The following WRAP73 variants were observed in gnomAD, a reference collection of about 807,000 sequenced individuals.
WRAP73 encodes WD repeat-containing protein WRAP73.
In WRAP73, 55 loss-of-function variants were observed where a neutral mutation model predicts 59.6. The observed-to-expected ratio is 0.92, with a 90% CI of 0.74 to 1.15. The LOEUF (loss-of-function observed/expected upper bound fraction) is 1.15, where lower values mean the gene tolerates loss of function less well. WRAP73 is among the 50% of genes most tolerant of loss of function. The probability of loss-of-function intolerance (pLI) is 0.00; values close to 1 mark genes in which losing one functional copy is unlikely to be tolerated. For synonymous variants in WRAP73, 265 were observed against 258.2 expected (o/e 1.03, Z -0.25); for missense variants, 592 against 608.1 (o/e 0.97, Z 0.28).
intron 3 of WRAP73, among the ~76,000 whole-genome samples, chr1:3,640,520 G>A (rs1231584524): frequency 2.0e-4 from 2 of 9,896 alleles, no homozygotes; most frequent in Admixed American, 6.5e-4. Context: ...GCGGGGTGCA[G>A]CGCCCGAGGC....
intron 9 of WRAP73, chr1:3,632,851 C>CT: frequency 9.1e-6 from 2 of 218,946 alleles, no homozygotes; most frequent in South Asian, 1.2e-4. Flanking sequence ...CCATCCTGAG[C>CT]ACACACCGAG....
At chr1:3,640,341 C>G (rs902168350) in intron 3 of WRAP73, among the ~76,000 whole-genome samples, 4 of 152,234 alleles carry the variant, frequency 2.6e-5, no homozygotes, top group African/African-American at 9.6e-5. Context: ...AAACCTTGCC[C>G]AAGCCTCTCA....
At chr1:3,648,950 T>TA (rs1644715110) in intron 1 of WRAP73, among the ~76,000 whole-genome samples, 1 of 152,184 alleles carries the variant, frequency 6.6e-6, no homozygotes, top group Non-Finnish European at 1.5e-5. Flanking sequence ...ATTTGAGAGT[T>TA]AAACTCTCAA....
At position 3,631,674 on chromosome 1, in the gene WRAP73, A is replaced by G; in HGVS notation, c.1049-17T>C. 6 of 1,578,566 alleles carry G rather than the reference A, an allele frequency of 3.8e-6. No homozygotes were observed. The highest frequency in any genetic ancestry group is 5.1e-6 in the Non-Finnish European group (6 of 1,166,288). ...GAATGTTGTCTGAGGAAGGAAGGAC[A>G]GGGCACCGGTGTCATCCCTGCCTGG... On this transcript the variant is annotated splice_polypyrimidine_tract_variant and intron_variant, in intron 10 of 11. Transcript: ENST00000270708.
At chr1:3,644,895 C>T (rs1045917634) in intron 3 of WRAP73, among the ~76,000 whole-genome samples, 2 of 152,242 alleles carry the variant, frequency 1.3e-5, no homozygotes, top group African/African-American at 4.8e-5. Flanking sequence ...GACCCCATGA[C>T]ATGAGCCCTT....
rs1390454117 is a variant in WRAP73, at chr1:3,630,987, GC to G, written c.1370del (p.Gly457AlafsTer42). On this transcript the variant is annotated frameshift_variant, in exon 12 of 12. Coordinates refer to ENST00000270708, the MANE Select transcript of WRAP73 (RefSeq NM_017818.4). LOFTEE classifies it high-confidence loss of function. ...AVVGTACRQL[G>X]GHT ...TAGTGCACCGCTGCTACGTGTGGCC[GC>G]CCAGCTGTCTGCAGGCTGTGCCGAC... The G allele has an allele frequency of 7.4e-6, 12 of 1,612,654 alleles. No individual in the cohort carries two copies. The highest frequency in any genetic ancestry group is 1.0e-5 in the Non-Finnish European group (12 of 1,179,866).
intron 6 of WRAP73, 115 bp downstream of exon 6, chr1:3,635,829 A>C (rs1418338432): frequency 4.3e-6 from 4 of 927,794 alleles, no homozygotes; most frequent in Non-Finnish European, 6.7e-6. Flanking sequence ...TTTTAAAACA[A>C]AGCTCAACTT....
chr1:3,636,070 A>G, intron 5 of WRAP73, 40 bp from the exon 6 acceptor site: 1 of 1,458,330 alleles, frequency 6.9e-7, no homozygotes, highest in African/African-American at 1.4e-5. Context: ...TTTGGAAAAT[A>G]TTTTCGTAAA....
In WRAP73 at chr1:3,630,930, G is replaced by T; in HGVS notation, c.*45C>A. 2.5e-6 allele frequency: 4 copies of T among 1,580,804 alleles called. No individual in the cohort carries two copies. In the South Asian group the frequency reaches 4.5e-5, roughly 18 times the overall value. On this transcript the variant is annotated 3_prime_UTR_variant, in exon 12 of 12. Coordinates refer to ENST00000270708, the MANE Select transcript of WRAP73 (RefSeq NM_017818.4). ...TGAAGCTGTGTTTTTTCCCACACTG[G>T]AAACACAGAGTAGCCCTGTTTCTGC... is the stretch of plus-strand genomic sequence containing the variant.
At chr1:3,648,266 G>A (rs1227220221) in intron 1 of WRAP73, among the ~76,000 whole-genome samples, 18 of 152,196 alleles carry the variant, frequency 1.2e-4, no homozygotes, top group Admixed American at 1.0e-3. Context: ...AATAACGCCT[G>A]AGTACTCACC....
chr1:3,636,691 T>A, intron 5 of WRAP73: 1 of 420,796 alleles, frequency 2.4e-6, no homozygotes, highest in East Asian at 5.4e-5. Context: ...AACTTCCACG[T>A]CCCCCCAACT....
At chr1:3,649,548 C>A (rs1644720843) in intron 1 of WRAP73, among the ~76,000 whole-genome samples, 1 of 152,224 alleles carries the variant, frequency 6.6e-6, no homozygotes, top group South Asian at 2.1e-4. Context: ...AGACCCCCCA[C>A]CTGTCTACGG....
intron 1 of WRAP73, 102 bp from the exon 2 acceptor site, chr1:3,647,662 C>T: frequency 2.2e-6 from 3 of 1,337,452 alleles, no homozygotes; most frequent in Non-Finnish European, 3.1e-6. Flanking sequence ...GGCCTTCTCT[C>T]CTGCCAGAGG....
chr1:3,635,509 C>T, intron 6 of WRAP73: 1 of 632,990 alleles, frequency 1.6e-6, no homozygotes, highest in Non-Finnish European at 2.7e-6. Context: ...GGGAGGTCAA[C>T]CTAATGGCTC....
Position 3,649,918 on chromosome 1 carries a change from C to T in WRAP73, c.69+13G>A. 1.9e-6 allele frequency: 3 copies of T among 1,594,658 alleles called. No individual in the cohort carries two copies. Among genetic ancestry groups the T allele is most frequent in the South Asian group, 2.3e-5 (2 of 88,194 alleles). On this transcript the variant is annotated intron_variant, in intron 1 of 11. Transcript: ENST00000270708. ...AGGATGTCCTGCCCGTGGCCCAGGT[C>T]CCCGCCGCTCACCAGGTACTTGCCG...
intron 1 of WRAP73, among the ~76,000 whole-genome samples, chr1:3,649,654 C>A (rs548462896): frequency 6.6e-6 from 1 of 150,864 alleles, no homozygotes; most frequent in African/African-American, 2.5e-5. Flanking sequence ...GGGCCCCGCA[C>A]CTGCTTGGGG....
chr1:3,646,963 C>T lies in WRAP73; in HGVS notation c.223-181G>A, dbSNP rs1644698442. 6.6e-6 allele frequency among the ~76,000 whole-genome samples: 1 copy of T among 152,206 alleles called. No homozygotes were observed. The highest frequency in any genetic ancestry group is 2.1e-4 in the South Asian group (1 of 4,824). Reference sequence around the variant, plus strand: ...CTTAAAACCAGCAGAGACCCGATCACACAGGGTGTCTTTTAGAACCTTTCA... The same window carrying T: ...CTTAAAACCAGCAGAGACCCGATCATACAGGGTGTCTTTTAGAACCTTTCA... On this transcript the variant is annotated intron_variant, in intron 2 of 11. Coordinates refer to ENST00000270708, the MANE Select transcript of WRAP73 (RefSeq NM_017818.4). The surrounding 1 kb of genome is among the most constrained non-coding windows in gnomAD (Gnocchi z 5.1).
chr1:3,642,737 CAAAAA>C (rs35743795), intron 3 of WRAP73, among the ~76,000 whole-genome samples: 2 of 96,622 alleles, frequency 2.1e-5, no homozygotes. Flanking sequence ...AACTCCATCT[CAAAAA>C]AAAAAAAAAA....
Position 3,635,538 on chromosome 1 carries a change from C to T in WRAP73, c.604-244G>A, listed in dbSNP as rs1570296696. On this transcript the variant is annotated intron_variant, in intron 6 of 11. Coordinates refer to ENST00000270708, the MANE Select transcript of WRAP73 (RefSeq NM_017818.4). ...ATGGCTCGCTGATAAAAGTTCAACT[C>T]GGCCGGGCACTGTGGCTCACGCCTG... 10 of 574,758 alleles carry T rather than the reference C, an allele frequency of 1.7e-5. No individual in the cohort carries two copies. The East Asian group carries it at 2.2e-4, about 12-fold the overall frequency. 35.6% of individuals were successfully genotyped at this position (574,758 alleles called of 1,614,324 possible).
Sources: gnomAD v4.1 joint callset for allele counts (sites outside exome capture counted in the v4.1 genomes callset) on GRCh38, gnomAD v4.1.1 for gene constraint, Gnocchi (gnomAD v3.1) non-coding constraint, MANE v1.5 for transcripts, NCBI Gene and HGNC (gene_info 2026-07-23, HGNC 2026-07-21) for gene names.